LRRC37A2: variants seen among roughly 807,000 people sequenced by gnomAD.
The protein encoded by LRRC37A2 is leucine rich repeat containing 37 member A2, also known as leucine-rich repeat-containing protein 37A2.
A neutral mutation model predicts 68.8 loss-of-function variants in LRRC37A2; 9 were observed. The ratio of observed to expected loss-of-function variants is 0.13; its 90% confidence interval spans 0.08 to 0.23. The LOEUF (loss-of-function observed/expected upper bound fraction) is 0.23, where lower values mean the gene tolerates loss of function less well. Among genes scored for constraint, LRRC37A2 ranks in the 10% least tolerant of loss-of-function variants. The probability of loss-of-function intolerance (pLI) is 1.00; values close to 1 mark genes in which losing one functional copy is unlikely to be tolerated. For missense variants in LRRC37A2, 168 were observed against 950.4 expected (o/e 0.18, Z 10.82); for synonymous variants, 63 against 367.6 (o/e 0.17, Z 9.48).
At chr17:46,833,056 T>G in the LRRC37A2 span, 5 of 335,118 alleles carry the variant, frequency 1.5e-5, no homozygotes, top group African/African-American at 1.1e-4. Context: ...CAGTGACTGC[T>G]GTGTCCCTGA....
the LRRC37A2 span, among the ~76,000 whole-genome samples, chr17:46,852,389 AGTGT>A: frequency 0.16 from 16,902 of 105,058 alleles, 1,362 homozygotes; most frequent in East Asian, 0.28. Context: ...GAGAGGGCCC[AGTGT>A]GTGTGTGTGT....
At chr17:46,833,445 G>A in the LRRC37A2 span, 1 of 512,324 alleles carries the variant, frequency 2.0e-6, no homozygotes, top group South Asian at 1.4e-5. Flanking sequence ...CAGAAGGTGA[G>A]TGTTAGGGAG....
chr17:46,940,233 G>C, the LRRC37A2 span: 1 of 1,421,140 alleles, frequency 7.0e-7, no homozygotes, highest in African/African-American at 1.4e-5. Flanking sequence ...TGAGTTTCCT[G>C]GATGCTAATT....
the LRRC37A2 span, chr17:46,762,586 A>G: frequency 6.6e-6 from 1 of 150,698 alleles, no homozygotes; most frequent in Non-Finnish European, 1.5e-5. Context: ...AAATATATAT[A>G]TATTTATATA....
chr17:46,877,026 T>C, the LRRC37A2 span: 1 of 1,189,682 alleles, frequency 8.4e-7, no homozygotes, highest in Non-Finnish European at 1.0e-6. Context: ...ACAGCAGGAC[T>C]GAAATTTTGG....
the LRRC37A2 span, chr17:46,978,900 C>T: frequency 5.8e-4 from 862 of 1,498,214 alleles, 3 homozygotes; most frequent in African/African-American, 0.011. Context: ...GACAGCAGCC[C>T]AGCCACGTGC....
chr17:46,659,638 GC>G, the LRRC37A2 span, among the ~76,000 whole-genome samples: 6 of 142,004 alleles, frequency 4.2e-5, no homozygotes, highest in Non-Finnish European at 7.4e-5. Context: ...CCTTCCTTTT[GC>G]CTTTCTTCTT....
chr17:47,000,091 TAAAATAAAATA>T, the LRRC37A2 span, among the ~76,000 whole-genome samples: 4 of 62,588 alleles, frequency 6.4e-5, no homozygotes, highest in African/African-American at 2.1e-4. Context: ...TAAAATAAAA[TAAAATAAAATA>T]AAATAAAATA....
chr17:46,621,429 G>T, the LRRC37A2 span, among the ~76,000 whole-genome samples: 1 of 113,080 alleles, frequency 8.8e-6, no homozygotes, highest in South Asian at 3.3e-4. Context: ...TGGGACTACA[G>T]GTGCCCGCCA....
chr17:46,921,320 C>T, the LRRC37A2 span: 1 of 152,276 alleles, frequency 6.6e-6, no homozygotes, highest in East Asian at 1.9e-4. Flanking sequence ...ACACCTTATA[C>T]AAAAATCAAT....
the LRRC37A2 span, among the ~76,000 whole-genome samples, chr17:46,856,413 T>C: frequency 7.2e-5 from 11 of 152,164 alleles, no homozygotes; most frequent in African/African-American, 1.2e-4. Context: ...TATAATTCCA[T>C]TGGAGAAACA....
At chr17:47,005,881 C>T in the LRRC37A2 span, 2 of 152,178 alleles carry the variant, frequency 1.3e-5, no homozygotes, top group Non-Finnish European at 2.9e-5. Flanking sequence ...CTAAGTATAG[C>T]TTTGGTTAAA....
chr17:47,012,080 T>C, the LRRC37A2 span, among the ~76,000 whole-genome samples: 8 of 152,226 alleles, frequency 5.3e-5, no homozygotes, highest in Admixed American at 2.6e-4. Context: ...TGATGATTCT[T>C]GCTGAAATCA....
the LRRC37A2 span, among the ~76,000 whole-genome samples, chr17:46,904,705 A>G: frequency 2.2e-4 from 33 of 152,258 alleles, no homozygotes; most frequent in African/African-American, 7.2e-4. Context: ...TGTATTCTCA[A>G]TTCAGGTTAG....
rs1399521770 is a variant in LRRC37A2, at chr17:46,543,831, G to C, written c.3054-2424G>C. The stretch of plus-strand genomic sequence containing the variant: ...AAATAAAAACTTGGGGGCAGAAAAA[G>C]AATACCAAAAATTTTGGGCTCATGC... On this transcript the variant is annotated intron_variant, in intron 8 of 14. Transcript: ENST00000576629. 4.0e-5 allele frequency among the ~76,000 whole-genome samples: 6 copies of C among 150,580 alleles called. 1 individual carries two copies. Among genetic ancestry groups the C allele is most frequent in the African/African-American group, 1.5e-4 (6 of 39,930 alleles).
the LRRC37A2 span, among the ~76,000 whole-genome samples, chr17:46,773,377 G>A: frequency 6.6e-6 from 1 of 152,090 alleles, no homozygotes; most frequent in Non-Finnish European, 1.5e-5. Flanking sequence ...TTGGGGAAAT[G>A]TCACAAATGT....
the LRRC37A2 span, among the ~76,000 whole-genome samples, chr17:46,499,340 G>GT: frequency 3.6e-5 from 5 of 140,648 alleles, no homozygotes; most frequent in Admixed American, 7.0e-5. Context: ...AAAAAAGGTG[G>GT]GGGGACAATG....
At chr17:46,714,624 G>C in the LRRC37A2 span, among the ~76,000 whole-genome samples, 1 of 152,282 alleles carries the variant, frequency 6.6e-6, no homozygotes, top group African/African-American at 2.4e-5. Context: ...TTACATTCAA[G>C]CAAGTGCCAT....
chr17:46,787,582 T>G, the LRRC37A2 span, among the ~76,000 whole-genome samples: 1 of 152,154 alleles, frequency 6.6e-6, no homozygotes, highest in Non-Finnish European at 1.5e-5. Context: ...CGCAGATCGT[T>G]CTTGAAGTGC....
Sources: allele counts gnomAD v4.1 joint callset (sites outside exome capture counted in the v4.1 genomes callset), GRCh38; gene constraint gnomAD v4.1.1; transcripts MANE v1.5; gene names NCBI Gene and HGNC (gene_info 2026-07-23, HGNC 2026-07-21).